PLAGL1: variants seen among roughly 807,000 people sequenced by gnomAD.
The protein encoded by PLAGL1 is zinc finger protein PLAGL1.
PLAGL1 carries 1 observed loss-of-function variant against 4.6 expected under a neutral mutation model. That is an observed-to-expected ratio of 0.22 (90% CI 0.08 to 1.03). The LOEUF is 1.03. PLAGL1 is among the 50% of genes least tolerant of loss of function. The probability of loss-of-function intolerance (pLI) is 0.58; values close to 1 mark genes in which losing one functional copy is unlikely to be tolerated. For missense variants in PLAGL1, 464 were observed against 570.4 expected, an observed-to-expected ratio of 0.81 and a Z score of 1.90; for synonymous variants, 240 against 237.8, an observed-to-expected ratio of 1.01 and a Z score of -0.08.
chr6:143,941,492 T>TG lies in PLAGL1; in HGVS notation c.1323dup (p.Ile442HisfsTer27). The TG allele has an allele frequency of 6.6e-7, 1 of 1,524,864 alleles. No homozygotes were observed. The highest frequency in any genetic ancestry group is 8.8e-7 in the Non-Finnish European group (1 of 1,137,670). The allele number at this position is 1,524,864 out of a possible 1,614,324, so 94.5% of individuals were successfully genotyped here. ...GTGCCAGCTGAGAACACATGAGGGA[T>TG]GGGGGGCAGGGGGAGCTGGCCCAGG... On this transcript the variant is annotated frameshift_variant, in exon 8 of 8. Transcript: ENST00000674357. LOFTEE classifies it high-confidence loss of function. The surrounding 1 kb of genome is among the most constrained non-coding windows in gnomAD (Gnocchi z 6.0).
chr6:143,954,771 G>A lies in PLAGL1; in HGVS notation c.-325+5698C>T, dbSNP rs558677445. Among the ~76,000 whole-genome samples, 1 of 152,204 alleles carries A rather than the reference G, an allele frequency of 6.6e-6. No homozygotes were observed. Among genetic ancestry groups the A allele is most frequent in the South Asian group, 2.1e-4 (1 of 4,818 alleles). On this transcript the variant is annotated intron_variant, in intron 6 of 7. Transcript: ENST00000674357. The surrounding 1 kb of genome is among the most constrained non-coding windows in gnomAD (Gnocchi z 5.1). ...ATAAACTAATGAAAGGCATAAAATT[G>A]GAATGGAATAATTATTTATTTGCAG...
intron 1 of PLAGL1, among the ~76,000 whole-genome samples, chr6:144,046,757 T>C (rs1331711276): frequency 3.9e-5 from 6 of 152,234 alleles, no homozygotes; most frequent in African/African-American, 1.4e-4. Flanking sequence ...TCTGCAGATG[T>C]TTCTGCTGCC....
chr6:143,953,266 T>A lies in PLAGL1; in HGVS notation c.-324-4806A>T, dbSNP rs1461640841. On this transcript the variant is annotated intron_variant, in intron 6 of 7. Transcript: ENST00000674357. The surrounding 1 kb of genome is among the most constrained non-coding windows in gnomAD (Gnocchi z 5.3). Reference sequence around the variant, plus strand: ...TATCCTCATTGTAGGAAGCACTACCTGCCCTTCTATTCTGCTCTGAGAGAG... The same window carrying A: ...TATCCTCATTGTAGGAAGCACTACCAGCCCTTCTATTCTGCTCTGAGAGAG... 6.6e-6 allele frequency among the ~76,000 whole-genome samples: 1 copy of A among 152,260 alleles called. No homozygotes were observed. Among genetic ancestry groups the A allele is most frequent in the Non-Finnish European group, 1.5e-5 (1 of 68,054 alleles).
Position 143,966,855 on chromosome 6 carries a change from T to G in PLAGL1, c.-471-657A>C, listed in dbSNP as rs1203353628. The G allele has an allele frequency of 6.6e-6, 1 of 152,228 alleles. No individual in the cohort carries two copies. The highest frequency in any genetic ancestry group is 1.5e-5 in the Non-Finnish European group (1 of 68,050). 9.4% of individuals were successfully genotyped at this position (152,228 alleles called of 1,614,324 possible). On this transcript the variant is annotated intron_variant, in intron 3 of 7. Coordinates refer to ENST00000674357, the MANE Select transcript of PLAGL1 (RefSeq NM_001317162.2). The surrounding 1 kb of genome is among the most constrained non-coding windows in gnomAD (Gnocchi z 6.0). ...ACTGCTTTCATTTTAATTTTTTGTT[T>G]GTTCATGGAGGGAAGTAAGGAAATT...
intron 1 of PLAGL1, among the ~76,000 whole-genome samples, chr6:144,051,079 T>C (rs1798546195): frequency 6.6e-6 from 1 of 152,238 alleles, no homozygotes; most frequent in African/African-American, 2.4e-5. Flanking sequence ...CTTTAACAGT[T>C]TGTAATATGT....
chr6:143,978,030 CCT>C lies in PLAGL1; in HGVS notation c.-544+7103_-544+7104del, dbSNP rs1787103981. 6.6e-6 allele frequency among the ~76,000 whole-genome samples: 1 copy of C among 152,144 alleles called. No individual in the cohort carries two copies. Among genetic ancestry groups the C allele is most frequent in the Admixed American group, 6.5e-5 (1 of 15,268 alleles). On this transcript the variant is annotated intron_variant, in intron 2 of 7. Coordinates refer to ENST00000674357, the MANE Select transcript of PLAGL1 (RefSeq NM_001317162.2). The surrounding 1 kb of genome is among the most constrained non-coding windows in gnomAD (Gnocchi z 4.6). ...TATCCATGGGATTAGCAGAATAACA[CCT>C]CTTTCATTCCTAATATTGGCAATTG...
chr6:143,943,344 A>G (rs1262523857), intron 7 of PLAGL1, among the ~76,000 whole-genome samples: 5 of 152,148 alleles, frequency 3.3e-5, no homozygotes, highest in South Asian at 2.1e-4. Flanking sequence ...ATAAAGCCCC[A>G]GTTTTAGGTT....
chr6:143,946,830 A>C (rs1779903584), intron 7 of PLAGL1, among the ~76,000 whole-genome samples: 1 of 152,214 alleles, frequency 6.6e-6, no homozygotes, highest in Non-Finnish European at 1.5e-5. Flanking sequence ...CATTTCCCTT[A>C]ACCAAGTATC....
At chr6:144,014,109 C>T (rs141883120) in intron 1 of PLAGL1, among the ~76,000 whole-genome samples, 41 of 152,220 alleles carry the variant, frequency 2.7e-4, no homozygotes, top group African/African-American at 6.5e-4. Context: ...CTGATTTTTA[C>T]GCCTACTATA....
chr6:144,041,335 C>A (rs924422252), intron 1 of PLAGL1, among the ~76,000 whole-genome samples: 1 of 151,750 alleles, frequency 6.6e-6, no homozygotes, highest in Admixed American at 6.6e-5. Flanking sequence ...CTCCCCCATG[C>A]CCCCACCCCA....
chr6:143,967,930 A>T (rs1784714162), intron 3 of PLAGL1: 1 of 151,874 alleles, frequency 6.6e-6, no homozygotes, highest in Admixed American at 6.6e-5. Context: ...GATGGGATAT[A>T]AGAAAACTTA....
At chr6:144,046,959 C>T (rs530348902) in intron 1 of PLAGL1, among the ~76,000 whole-genome samples, 2 of 152,204 alleles carry the variant, frequency 1.3e-5, no homozygotes, top group Non-Finnish European at 2.9e-5. Context: ...CAGACTGCTG[C>T]GCTAGCAGTG....
chr6:143,988,273 ATTTATG>A (rs1249887442), intron 1 of PLAGL1, among the ~76,000 whole-genome samples: 1 of 152,250 alleles, frequency 6.6e-6, no homozygotes, highest in African/African-American at 2.4e-5. Context: ...CAGCTGTAAC[ATTTATG>A]TTTATGTCAC....
chr6:144,032,290 T>C (rs1240553331), intron 1 of PLAGL1, among the ~76,000 whole-genome samples: 1 of 150,176 alleles, frequency 6.7e-6, no homozygotes, highest in Non-Finnish European at 1.5e-5. Flanking sequence ...CTGGCTTTTT[T>C]TTTTTTTTTT....
chr6:143,994,739 A>G lies in PLAGL1; in HGVS notation c.-583-9565T>C, dbSNP rs1420526105. Among the ~76,000 whole-genome samples the G allele has an allele frequency of 2.0e-5, 3 of 152,202 alleles. No homozygotes were observed. In the East Asian group the frequency reaches 5.8e-4, roughly 29 times the overall value. On this transcript the variant is annotated intron_variant, in intron 1 of 7. Transcript: ENST00000674357. This position sits in a 1 kb window ranked among gnomAD's most constrained non-coding sequence, Gnocchi z 4.3. Reference sequence around the variant, plus strand: ...TCAAAATTCAAATGTTGAAAACCCAAACCCTAATGTGACTGTATTTGGAGA... The same window carrying G: ...TCAAAATTCAAATGTTGAAAACCCAGACCCTAATGTGACTGTATTTGGAGA...
chr6:143,953,452 G>GA lies in PLAGL1; in HGVS notation c.-324-4993dup, dbSNP rs1378916740. 1.1e-4 allele frequency among the ~76,000 whole-genome samples: 17 copies of GA among 152,288 alleles called. No homozygotes were observed. Among genetic ancestry groups the GA allele is most frequent in the African/African-American group, 3.9e-4 (16 of 41,550 alleles). ...GTGAATTATTTCTCTAATATTCAGG[G>GA]AAAAAATTGAGAAAGCTGTCCAGAT... On this transcript the variant is annotated intron_variant, in intron 6 of 7. Coordinates refer to ENST00000674357, the MANE Select transcript of PLAGL1 (RefSeq NM_001317162.2). The surrounding 1 kb of genome is among the most constrained non-coding windows in gnomAD (Gnocchi z 5.3).
chr6:144,009,074 T>C (rs1210901188), upstream of PLAGL1, among the ~76,000 whole-genome samples: 2 of 152,108 alleles, frequency 1.3e-5, no homozygotes, highest in Non-Finnish European at 2.9e-5. Context: ...TTAAGAGAGG[T>C]GTAAGGAGCT....
Position 143,957,726 on chromosome 6 carries a change from C to T in PLAGL1, c.-325+2743G>A, listed in dbSNP as rs183985569. The stretch of plus-strand genomic sequence containing the variant: ...TGCCTGGTTTGTGAGTGAAAATCAC[C>T]GGAATGACCTTGAAGGATCTGAGAT... On this transcript the variant is annotated intron_variant, in intron 6 of 7. Transcript: ENST00000674357. This position sits in a 1 kb window ranked among gnomAD's most constrained non-coding sequence, Gnocchi z 4.2. Among the ~76,000 whole-genome samples, 9 of 152,232 alleles carry T rather than the reference C, an allele frequency of 5.9e-5. No homozygotes were observed. The East Asian group carries it at 1.2e-3, about 20-fold the overall frequency.
At position 143,941,332 on chromosome 6, in the gene PLAGL1, T is replaced by C; in HGVS notation, c.*92A>G. ...CACTGAATAAGCCATAGTCCCAGTC[T>C]CGTTTTCCAAATCTTTCTCATATTG... On this transcript the variant is annotated 3_prime_UTR_variant, in exon 8 of 8. Coordinates refer to ENST00000674357, the MANE Select transcript of PLAGL1 (RefSeq NM_001317162.2). The surrounding 1 kb of genome is among the most constrained non-coding windows in gnomAD (Gnocchi z 6.0). 1 of 979,948 alleles carries C rather than the reference T, an allele frequency of 1.0e-6. No individual in the cohort carries two copies. Among genetic ancestry groups the C allele is most frequent in the African/African-American group, 1.6e-5 (1 of 61,252 alleles). The allele number at this position is 979,948 out of a possible 1,614,324, so 60.7% of individuals were successfully genotyped here.
Sources: allele counts gnomAD v4.1 joint callset (sites outside exome capture counted in the v4.1 genomes callset), GRCh38; gene constraint gnomAD v4.1.1; non-coding constraint Gnocchi (gnomAD v3.1); transcripts MANE v1.5; gene names NCBI Gene and HGNC (gene_info 2026-07-23, HGNC 2026-07-21).